The following ZNF407 variants were observed in gnomAD, a reference collection of about 807,000 sequenced individuals.
The protein encoded by ZNF407 is zinc finger protein 407.
In ZNF407, 17 loss-of-function variants were observed where a neutral mutation model predicts 131.2. That is an observed-to-expected ratio of 0.13 (90% confidence interval 0.09 to 0.19). The LOEUF is 0.19. ZNF407 is among the 10% of genes least tolerant of loss of function. The probability of loss-of-function intolerance (pLI) is 1.00; values close to 1 mark genes in which losing one functional copy is unlikely to be tolerated. For missense variants in ZNF407, 2,681 were observed against 2,830.6 expected, an observed-to-expected ratio of 0.95 and a Z score of 1.20; for synonymous variants, 1,156 against 1,062.0, an observed-to-expected ratio of 1.09 and a Z score of -1.72.
chr18:74,895,420 T>C (rs995287188), intron 7 of ZNF407, among the ~76,000 whole-genome samples: 1 of 152,158 alleles, frequency 6.6e-6, no homozygotes, highest in East Asian at 1.9e-4. Context: ...GCAAATTTGC[T>C]GTTCTTTACC....
At chr18:74,905,370 C>T (rs1971581957) in intron 7 of ZNF407, 1 of 152,374 alleles carries the variant, frequency 6.6e-6, no homozygotes, top group South Asian at 2.1e-4. Context: ...GCACAGGTTT[C>T]CTGCGGGTGA....
At chr18:74,856,479 G>T (rs2145153494) in intron 4 of ZNF407, among the ~76,000 whole-genome samples, 1 of 152,250 alleles carries the variant, frequency 6.6e-6, no homozygotes, top group South Asian at 2.1e-4. Context: ...TATTTACTAT[G>T]CTTCTGCTGG....
intron 8 of ZNF407, among the ~76,000 whole-genome samples, chr18:75,008,210 A>C (rs770101772): frequency 1.2e-4 from 18 of 152,176 alleles, no homozygotes; most frequent in Non-Finnish European, 1.9e-4. Context: ...TGAAGGATAC[A>C]CCAAATAATG....
At chr18:74,700,513 T>TC (rs1470887556) in intron 3 of ZNF407, among the ~76,000 whole-genome samples, 1 of 152,228 alleles carries the variant, frequency 6.6e-6, no homozygotes, top group Non-Finnish European at 1.5e-5. Context: ...CTAACTTTAT[T>TC]ATTTCATTTC....
intron 4 of ZNF407, among the ~76,000 whole-genome samples, chr18:74,851,567 A>G (rs548737468): frequency 4.6e-5 from 7 of 152,312 alleles, no homozygotes; most frequent in East Asian, 1.9e-4. Flanking sequence ...GAGCATGGCA[A>G]TTGGTCCTGG....
chr18:74,916,221 TAC>T (rs1456407459), intron 7 of ZNF407, among the ~76,000 whole-genome samples: 1 of 112,268 alleles, frequency 8.9e-6, no homozygotes, highest in Admixed American at 9.1e-5. Flanking sequence ...TGTGTGTGTG[TAC>T]ATGTGTGTGC....
chr18:74,913,893 A>G (rs1434089844), intron 7 of ZNF407, among the ~76,000 whole-genome samples: 1 of 152,310 alleles, frequency 6.6e-6, no homozygotes, highest in East Asian at 1.9e-4. Flanking sequence ...ATTTTAACAT[A>G]CATCGCCTTT....
intron 8 of ZNF407, among the ~76,000 whole-genome samples, chr18:75,026,771 C>T (rs926920248): frequency 5.3e-5 from 8 of 152,238 alleles, no homozygotes; most frequent in African/African-American, 9.6e-5. Flanking sequence ...TAGATTATAC[C>T]GGATGATGAA....
rs375861826 is a variant in ZNF407 at position 74,900,141 on chromosome 18, T to A, written c.5249+10103T>A. Among the ~76,000 whole-genome samples the A allele has an allele frequency of 1.4e-4, 22 of 152,338 alleles. No homozygotes were observed. The East Asian group carries it at 3.3e-3, about 23-fold the overall frequency. On this transcript the variant is annotated intron_variant, in intron 7 of 8. Coordinates refer to ENST00000299687, the MANE Select transcript of ZNF407 (RefSeq NM_017757.3). ...GCATTATTCGTGATGGCTAGTACAG[T>A]GTATACGTGATTAGGGTTGGTGAAG...
At chr18:75,038,282 C>T (rs556550709) in intron 8 of ZNF407, among the ~76,000 whole-genome samples, 5 of 152,336 alleles carry the variant, frequency 3.3e-5, no homozygotes, top group African/African-American at 1.2e-4. Context: ...AAGCTGCTCC[C>T]AGGAGCTGGA....
intron 8 of ZNF407, among the ~76,000 whole-genome samples, chr18:74,997,255 T>A (rs1015928361): frequency 1.4e-4 from 22 of 152,222 alleles, no homozygotes; most frequent in Admixed American, 2.6e-4. Context: ...TAATTTAGAT[T>A]ATCAATTTAT....
chr18:74,762,280 A>G (rs1472510013), intron 3 of ZNF407, among the ~76,000 whole-genome samples: 1 of 152,162 alleles, frequency 6.6e-6, no homozygotes, highest in African/African-American at 2.4e-5. Context: ...GCAAAAAGGT[A>G]AAGAAGAGCA....
intron 4 of ZNF407, among the ~76,000 whole-genome samples, chr18:74,833,884 G>A (rs1326948571): frequency 6.6e-6 from 1 of 152,118 alleles, no homozygotes; most frequent in Admixed American, 6.5e-5. Flanking sequence ...GGACTGTGAG[G>A]TAGGATCTCA....
chr18:74,866,273 G>A (rs181135882), intron 4 of ZNF407, among the ~76,000 whole-genome samples: 6 of 152,232 alleles, frequency 3.9e-5, no homozygotes, highest in Admixed American at 3.3e-4. Flanking sequence ...GTGTAACTGC[G>A]GCTCTTTGGA....
In ZNF407 at chr18:74,874,084, G is replaced by A. The variant is rs149372994; in HGVS notation, c.4878-3113G>A. Among the ~76,000 whole-genome samples the A allele has an allele frequency of 2.5e-3, 376 of 152,164 alleles. 5 individuals carry two copies. The highest frequency in any genetic ancestry group is 7.9e-3 in the African/African-American group (328 of 41,510). ...TTCAATTCTGTTAGCACTGTTTGGC[G>A]TTTTGAACTTGTAGTAAGCATTGTA... is the stretch of plus-strand genomic sequence containing the variant. On this transcript the variant is annotated intron_variant, in intron 4 of 8. Coordinates refer to ENST00000299687, the MANE Select transcript of ZNF407 (RefSeq NM_017757.3).
chr18:74,958,663 G>A (rs1157158064), intron 8 of ZNF407, among the ~76,000 whole-genome samples: 1 of 152,256 alleles, frequency 6.6e-6, no homozygotes, highest in Non-Finnish European at 1.5e-5. Flanking sequence ...TCAGACATGA[G>A]CAAGCTTTGC....
At position 74,601,220 on chromosome 18, in the gene ZNF407, C is replaced by T. The variant is rs78223925; in HGVS notation, c.-54+3283C>T. 7.2e-4 allele frequency among the ~76,000 whole-genome samples: 110 copies of T among 152,204 alleles called. 1 individual carries two copies. The East Asian group carries it at 0.02, about 28-fold the overall frequency. ...TTCAGTGTGGGCTCATTTCTGTGAA[C>T]ACGTTGAGTGGGCAGTTGTATGGAT... On this transcript the variant is annotated intron_variant, in intron 1 of 8. Coordinates refer to ENST00000299687, the MANE Select transcript of ZNF407 (RefSeq NM_017757.3).
chr18:74,980,270 T>A (rs57836806), intron 8 of ZNF407, among the ~76,000 whole-genome samples: 2 of 148,852 alleles, frequency 1.3e-5, no homozygotes, highest in Admixed American at 6.9e-5. Context: ...TTTTTTTTTT[T>A]TCTTTAAAGA....
At chr18:74,976,654 G>A (rs529212699) in intron 8 of ZNF407, among the ~76,000 whole-genome samples, 85 of 152,334 alleles carry the variant, frequency 5.6e-4, no homozygotes, top group African/African-American at 1.9e-3. Flanking sequence ...TGTCTGCCGA[G>A]TATGAAATCT....
Sources: gnomAD v4.1 joint callset for allele counts (sites outside exome capture counted in the v4.1 genomes callset) on GRCh38, gnomAD v4.1.1 for gene constraint, MANE v1.5 for transcripts, NCBI Gene and HGNC (gene_info 2026-07-23, HGNC 2026-07-21) for gene names.